SYT2: variants seen among roughly 807,000 people sequenced by gnomAD.
SYT2 encodes synaptotagmin 2.
Under a neutral mutation model 39.9 loss-of-function variants are expected in SYT2, and 15 were observed. The ratio of observed to expected loss-of-function variants is 0.38; its 90% CI spans 0.25 to 0.58. The LOEUF is 0.58. Among genes scored for constraint, SYT2 ranks in the 20% least tolerant of loss-of-function variants. The pLI is 0.70. For missense variants in SYT2, 389 were observed against 530.3 expected (o/e 0.73, Z 2.62); for synonymous variants, 181 against 204.5 (o/e 0.89, Z 0.98).
At chr1:202,633,220 T>C (rs1424378198) in intron 1 of SYT2, among the ~76,000 whole-genome samples, 1 of 152,090 alleles carries the variant, frequency 6.6e-6, no homozygotes, top group Non-Finnish European at 1.5e-5. Context: ...CACCAAAATA[T>C]GCTGGGCACC....
At chr1:202,640,539 CG>C (rs35714523) in intron 1 of SYT2, among the ~76,000 whole-genome samples, 54,867 of 151,748 alleles carry the variant, frequency 0.36, 11,892 homozygotes, top group African/African-American at 0.61. Flanking sequence ...CTGGCTTTAC[CG>C]CCTCTCTGCT....
chr1:202,602,739 C>T (rs1479617370), intron 4 of SYT2, among the ~76,000 whole-genome samples, 194 bp from the exon 5 acceptor site: 7 of 152,146 alleles, frequency 4.6e-5, no homozygotes, highest in Admixed American at 3.3e-4. Context: ...ATTTAGGAAA[C>T]CTGAGAAAGG....
intron 1 of SYT2, among the ~76,000 whole-genome samples, chr1:202,621,759 T>C (rs1328637394): frequency 6.6e-6 from 1 of 152,162 alleles, no homozygotes; most frequent in Non-Finnish European, 1.5e-5. Context: ...ACCTTGCCTC[T>C]CTTCTTCCCT....
intron 1 of SYT2, among the ~76,000 whole-genome samples, chr1:202,611,366 T>C (rs1690879777): frequency 6.6e-6 from 1 of 152,222 alleles, no homozygotes; most frequent in Non-Finnish European, 1.5e-5. Context: ...TTTTGTTGTT[T>C]TTGAGATGGA....
Position 202,600,479 on chromosome 1 carries a change from C to T in SYT2, c.802-5G>A, listed in dbSNP as rs1477758955. The stretch of plus-strand genomic sequence containing the variant: ...GATGTCGCCCAGCTTCTCCGGCTGT[C>T]CAGGGGAAGAGCAGGACTTGGGTCA... On this transcript the variant is annotated splice_region_variant and splice_polypyrimidine_tract_variant and intron_variant, in intron 6 of 8. Coordinates refer to ENST00000367268, the MANE Select transcript of SYT2 (RefSeq NM_177402.5). 4 of 1,613,804 alleles carry T rather than the reference C, an allele frequency of 2.5e-6. No homozygotes were observed. The highest frequency in any genetic ancestry group is 2.5e-6 in the Non-Finnish European group (3 of 1,179,700).
intron 1 of SYT2, among the ~76,000 whole-genome samples, chr1:202,653,174 C>T (rs12404945): frequency 0.13 from 20,121 of 152,138 alleles, 1,667 homozygotes; most frequent in Middle Eastern, 0.2. Flanking sequence ...CTTCTCCAAA[C>T]GGCCCCACCT....
chr1:202,643,960 G>A (rs1347222715), intron 1 of SYT2, among the ~76,000 whole-genome samples: 1 of 152,204 alleles, frequency 6.6e-6, no homozygotes, highest in Non-Finnish European at 1.5e-5. Context: ...AATGGCCTGC[G>A]GGCAGGGGTG....
chr1:202,629,213 A>G (rs1356412052), intron 1 of SYT2, among the ~76,000 whole-genome samples: 1 of 152,080 alleles, frequency 6.6e-6, no homozygotes, highest in Non-Finnish European at 1.5e-5. Context: ...CCTTCTACCC[A>G]TGCCTTTAGC....
At chr1:202,646,148 C>G (rs1221448277) in intron 1 of SYT2, among the ~76,000 whole-genome samples, 1 of 152,202 alleles carries the variant, frequency 6.6e-6, no homozygotes, top group East Asian at 1.9e-4. Flanking sequence ...TAGGTCCTGA[C>G]TGTCCATCCT....
At chr1:202,619,072 C>G (rs1410531053) in intron 1 of SYT2, among the ~76,000 whole-genome samples, 1 of 152,164 alleles carries the variant, frequency 6.6e-6, no homozygotes, top group East Asian at 1.9e-4. Flanking sequence ...TCCTCCGCCT[C>G]CAGGACTATT....
At chr1:202,611,917 CA>C (rs1228287521) in intron 1 of SYT2, among the ~76,000 whole-genome samples, 1 of 152,106 alleles carries the variant, frequency 6.6e-6, no homozygotes, top group Non-Finnish European at 1.5e-5. Flanking sequence ...GTGGCATGAT[CA>C]TGGCTCACTG....
At chr1:202,658,440 T>C (rs1048380477) in intron 1 of SYT2, among the ~76,000 whole-genome samples, 1 of 152,118 alleles carries the variant, frequency 6.6e-6, no homozygotes, top group African/African-American at 2.4e-5. Context: ...CCTCTACTGA[T>C]GCCTCTTGGA....
chr1:202,602,237 T>C (rs1420981747), intron 5 of SYT2, 141 bp downstream of exon 5: 3 of 1,201,286 alleles, frequency 2.5e-6, no homozygotes, highest in East Asian at 2.3e-5. Flanking sequence ...CGATCCTCCA[T>C]AGAGGCCGGG....
chr1:202,649,477 A>G (rs976547896), intron 1 of SYT2, among the ~76,000 whole-genome samples: 1 of 152,260 alleles, frequency 6.6e-6, no homozygotes, highest in African/African-American at 2.4e-5. Context: ...CTTCATACTT[A>G]CAAAAACACT....
intron 1 of SYT2, among the ~76,000 whole-genome samples, chr1:202,684,505 T>C (rs975439152): frequency 6.6e-6 from 1 of 152,186 alleles, no homozygotes; most frequent in Non-Finnish European, 1.5e-5. Context: ...CATTCCATCG[T>C]GTATATGCGC....
At chr1:202,656,302 C>T (rs10733069) in intron 1 of SYT2, among the ~76,000 whole-genome samples, 64,458 of 152,062 alleles carry the variant, frequency 0.42, 14,298 homozygotes, top group East Asian at 0.74. Flanking sequence ...CCAAGGTAAA[C>T]AGAAATTTCC....
chr1:202,685,305 C>G (rs1000889858), intron 1 of SYT2, among the ~76,000 whole-genome samples: 1 of 152,138 alleles, frequency 6.6e-6, no homozygotes, highest in African/African-American at 2.4e-5. Context: ...CAGTGCCCCC[C>G]ACCACCACCT....
chr1:202,650,760 T>C (rs376385647), intron 1 of SYT2, among the ~76,000 whole-genome samples: 1 of 152,054 alleles, frequency 6.6e-6, no homozygotes, highest in Non-Finnish European at 1.5e-5. Flanking sequence ...AAAACAGCAG[T>C]GTGCACAAAA....
intron 1 of SYT2, among the ~76,000 whole-genome samples, chr1:202,694,693 G>GTCCTT (rs1653929489): frequency 6.6e-6 from 1 of 151,738 alleles, no homozygotes; most frequent in Admixed American, 6.6e-5. Context: ...CCACCTCCTC[G>GTCCTT]TCCTTTCCCT....
Sources: allele counts gnomAD v4.1 joint callset (sites outside exome capture counted in the v4.1 genomes callset), GRCh38; gene constraint gnomAD v4.1.1; transcripts MANE v1.5; gene names NCBI Gene and HGNC (gene_info 2026-07-23, HGNC 2026-07-21).